Variants in TTC7B observed in about 807,000 individuals in gnomAD.
TTC7B encodes tetratricopeptide repeat protein 7B.
Under a neutral mutation model 106.8 loss-of-function variants are expected in TTC7B, and 28 were observed. The ratio of observed to expected loss-of-function variants is 0.26; its 90% CI spans 0.19 to 0.36. TTC7B has a LOEUF of 0.36. Among genes scored for constraint, TTC7B ranks in the 10% least tolerant of loss-of-function variants. The pLI is 1.00. For synonymous variants in TTC7B, 405 were observed against 430.6 expected (o/e 0.94, Z 0.74); for missense variants, 862 against 1,076.4 (o/e 0.80, Z 2.79).
At chr14:90,755,670 A>G (rs1308883865) in intron 3 of TTC7B, among the ~76,000 whole-genome samples, 1 of 152,144 alleles carries the variant, frequency 6.6e-6, no homozygotes, top group Admixed American at 6.5e-5. Context: ...AAAAAAAACA[A>G]AAAAACAAAC....
rs189637003 is a variant in TTC7B, at chr14:90,784,694, G to A, written c.276+1480C>T. On this transcript the variant is annotated intron_variant, in intron 2 of 19. Transcript: ENST00000328459. Reference sequence around the variant, plus strand: ...ATGGCCCTTACAGAGAAACTGAATGGGGAAAGAGAAGACCTGGTTTTTGAA... The same window carrying A: ...ATGGCCCTTACAGAGAAACTGAATGAGGAAAGAGAAGACCTGGTTTTTGAA... 8.3e-4 allele frequency among the ~76,000 whole-genome samples: 126 copies of A among 152,270 alleles called. 1 individual carries two copies. Among genetic ancestry groups the A allele is most frequent in the African/African-American group, 3.0e-3 (124 of 41,560 alleles).
At chr14:90,564,447 C>T (rs998010208) in intron 19 of TTC7B, among the ~76,000 whole-genome samples, 14 of 152,128 alleles carry the variant, frequency 9.2e-5, no homozygotes, top group Non-Finnish European at 1.8e-4. Context: ...ATTTTCAAAA[C>T]GGTGAATGAA....
intron 17 of TTC7B, chr14:90,603,197 G>T: frequency 8.9e-7 from 1 of 1,124,222 alleles, no homozygotes; most frequent in Non-Finnish European, 1.2e-6. Flanking sequence ...TCCGTGGTGG[G>T]GGGAGTGTGA....
chr14:90,813,034 T>G (rs1479321058), intron 1 of TTC7B, among the ~76,000 whole-genome samples: 1 of 151,824 alleles, frequency 6.6e-6, no homozygotes, highest in Non-Finnish European at 1.5e-5. Context: ...TAGCCCTGTC[T>G]CACTCACAGG....
At chr14:90,780,648 A>C in intron 3 of TTC7B, 90 bp downstream of exon 3, 1 of 1,455,644 alleles carries the variant, frequency 6.9e-7, no homozygotes, top group Non-Finnish European at 9.2e-7. Flanking sequence ...GTTCATCACC[A>C]GCCAAGGGCC....
chr14:90,584,708 C>A (rs1338590904), intron 18 of TTC7B, among the ~76,000 whole-genome samples: 1 of 151,854 alleles, frequency 6.6e-6, no homozygotes, highest in Admixed American at 6.6e-5. Flanking sequence ...GCAGTAGGTA[C>A]CTCCCGACCT....
chr14:90,756,121 G>A (rs184640035), intron 3 of TTC7B, among the ~76,000 whole-genome samples: 1 of 152,140 alleles, frequency 6.6e-6, no homozygotes, highest in African/African-American at 2.4e-5. Flanking sequence ...CTAAGAAGAG[G>A]GGACTCATCA....
chr14:90,793,598 T>A (rs983095253), intron 1 of TTC7B, among the ~76,000 whole-genome samples: 1 of 118,580 alleles, frequency 8.4e-6, no homozygotes, highest in Non-Finnish European at 1.9e-5. Context: ...TGTTTGTTTG[T>A]TTTTTTCTTT....
chr14:90,676,877 G>A (rs1472894525), intron 8 of TTC7B, among the ~76,000 whole-genome samples: 2 of 152,214 alleles, frequency 1.3e-5, no homozygotes, highest in Non-Finnish European at 2.9e-5. Flanking sequence ...AGTCCTGGAA[G>A]TGTGAACCTA....
chr14:90,746,057 T>C (rs890691940), intron 3 of TTC7B, among the ~76,000 whole-genome samples: 1 of 152,202 alleles, frequency 6.6e-6, no homozygotes, highest in Non-Finnish European at 1.5e-5. Context: ...TTCCTTCAAA[T>C]GCCTCCATAT....
At chr14:90,764,858 G>A (rs915446016) in intron 3 of TTC7B, among the ~76,000 whole-genome samples, 4 of 152,166 alleles carry the variant, frequency 2.6e-5, no homozygotes, top group Admixed American at 2.0e-4. Context: ...ATGCAGGTGA[G>A]CTGCTTTGGA....
At chr14:90,713,680 C>G (rs1284239837) in intron 5 of TTC7B, among the ~76,000 whole-genome samples, 3 of 152,184 alleles carry the variant, frequency 2.0e-5, no homozygotes, top group Non-Finnish European at 2.9e-5. Flanking sequence ...CAATCCCACT[C>G]CTATGAATCT....
At chr14:90,609,209 G>A (rs907561891) in intron 17 of TTC7B, among the ~76,000 whole-genome samples, 2 of 152,188 alleles carry the variant, frequency 1.3e-5, no homozygotes, top group Admixed American at 1.3e-4. Flanking sequence ...GAACTGTTTG[G>A]AGAGTGGTCA....
intron 1 of TTC7B, among the ~76,000 whole-genome samples, chr14:90,801,727 G>A (rs1286326): frequency 0.73 from 111,329 of 152,016 alleles, 41,315 homozygotes; most frequent in Middle Eastern, 0.82. Context: ...AGATTAGGAA[G>A]GGTTTCTGGA....
At chr14:90,798,376 G>A (rs1286335) in intron 1 of TTC7B, among the ~76,000 whole-genome samples, 147,142 of 152,254 alleles carry the variant, frequency 0.97, 71,210 homozygotes, top group Middle Eastern at 0.99. Flanking sequence ...AGTAATAGCT[G>A]ACAATCACAA....
At chr14:90,787,631 T>C (rs1891437189) in intron 1 of TTC7B, among the ~76,000 whole-genome samples, 1 of 152,156 alleles carries the variant, frequency 6.6e-6, no homozygotes, top group African/African-American at 2.4e-5. Flanking sequence ...CCCCCTAAGA[T>C]TCTGGGTGGT....
intron 3 of TTC7B, among the ~76,000 whole-genome samples, chr14:90,770,043 G>A (rs1160401629): frequency 2.6e-5 from 4 of 152,214 alleles, no homozygotes; most frequent in East Asian, 1.9e-4. Context: ...CCAGCTACTC[G>A]GGAGGCTGAA....
chr14:90,727,360 T>C (rs1889147825), intron 5 of TTC7B, among the ~76,000 whole-genome samples: 1 of 152,206 alleles, frequency 6.6e-6, no homozygotes, highest in Admixed American at 6.5e-5. Flanking sequence ...CAAGGAACTG[T>C]GTGACTGCAG....
chr14:90,707,968 A>G (rs1283909330), intron 5 of TTC7B, among the ~76,000 whole-genome samples: 1 of 152,024 alleles, frequency 6.6e-6, no homozygotes. Flanking sequence ...AACATAGTGA[A>G]ACCCCACATC....
Sources: gnomAD v4.1 joint callset for allele counts (sites outside exome capture counted in the v4.1 genomes callset) on GRCh38, gnomAD v4.1.1 for gene constraint, MANE v1.5 for transcripts, NCBI Gene and HGNC (gene_info 2026-07-23, HGNC 2026-07-21) for gene names.